XPO7: variants seen among roughly 807,000 people sequenced by gnomAD.
XPO7 encodes exportin-7.
XPO7 carries 21 observed loss-of-function variants against 144.3 expected under a neutral mutation model. The ratio of observed to expected loss-of-function variants is 0.15; its 90% CI spans 0.10 to 0.21. The LOEUF is 0.21. XPO7 is among the 10% of genes least tolerant of loss of function. The pLI is 1.00. For synonymous variants in XPO7, 580 were observed against 499.6 expected (o/e 1.16, Z -2.15); for missense variants, 808 against 1,325.8 (o/e 0.61, Z 6.06).
At chr8:21,991,009 C>T (rs76752860) in intron 18 of XPO7, 90 bp downstream of exon 18, 3 of 1,203,540 alleles carry the variant, frequency 2.5e-6, no homozygotes, top group Admixed American at 4.0e-5. Flanking sequence ...TTGGGGAGGC[C>T]TTTTCTGTTT....
rs752046576 is a variant in XPO7 at position 21,990,926 on chromosome 8, T to G, written c.2041+7T>G. The G allele has an allele frequency of 6.2e-7, 1 of 1,612,800 alleles. No individual in the cohort carries two copies. The highest frequency in any genetic ancestry group is 8.5e-7 in the Non-Finnish European group (1 of 1,178,974). On this transcript the variant is annotated splice_region_variant and intron_variant, in intron 18 of 27. Coordinates refer to ENST00000252512, the MANE Select transcript of XPO7 (RefSeq NM_015024.5). Reference sequence around the variant, plus strand: ...CTCCTCATGGTGGATTTAGGTACCGTAAGAAATCGTAGTGGCTCATGAAGT... The same window carrying G: ...CTCCTCATGGTGGATTTAGGTACCGGAAGAAATCGTAGTGGCTCATGAAGT...
chr8:21,948,054 T>G (rs1441620773), intron 1 of XPO7, among the ~76,000 whole-genome samples: 1 of 152,230 alleles, frequency 6.6e-6, no homozygotes, highest in South Asian at 2.1e-4. Flanking sequence ...AGAGTAAGTT[T>G]AGAATAGATT....
chr8:21,967,067 G>A (rs906218605), intron 2 of XPO7, 64 bp downstream of exon 2: 7 of 1,551,940 alleles, frequency 4.5e-6, no homozygotes, highest in South Asian at 1.2e-5. Flanking sequence ...CTGGTTCTCT[G>A]TGTAGGAATG....
intron 1 of XPO7, among the ~76,000 whole-genome samples, chr8:21,944,028 A>G (rs1811077812): frequency 6.6e-6 from 1 of 152,202 alleles, no homozygotes; most frequent in Non-Finnish European, 1.5e-5. Flanking sequence ...ATACCCTCAT[A>G]TACATGAGGT....
intron 21 of XPO7, among the ~76,000 whole-genome samples, chr8:21,995,804 C>G (rs538277404): frequency 6.6e-6 from 1 of 152,212 alleles, no homozygotes; most frequent in African/African-American, 2.4e-5. Context: ...AAATAAGTCA[C>G]TTTTTTTGGT....
intron 16 of XPO7, among the ~76,000 whole-genome samples, chr8:21,990,090 C>G (rs563014326): frequency 6.6e-6 from 1 of 151,896 alleles, no homozygotes; most frequent in East Asian, 1.9e-4. Context: ...ACCTCGTGAT[C>G]TGCCCTCCTC....
intron 24 of XPO7, among the ~76,000 whole-genome samples, chr8:22,001,800 A>G (rs1316158529): frequency 6.6e-6 from 1 of 152,246 alleles, no homozygotes; most frequent in Non-Finnish European, 1.5e-5. Context: ...AGTACTTAGC[A>G]CAACATCTGG....
At chr8:21,995,713 T>A in intron 21 of XPO7, 114 bp downstream of exon 21, 1 of 760,350 alleles carries the variant, frequency 1.3e-6, no homozygotes, top group Non-Finnish European at 2.0e-6. Flanking sequence ...TACTGCATTT[T>A]AAAATTCGAA....
intron 12 of XPO7, among the ~76,000 whole-genome samples, chr8:21,985,299 C>T (rs1040833998): frequency 6.6e-6 from 1 of 152,164 alleles, no homozygotes; most frequent in Non-Finnish European, 1.5e-5. Context: ...TTTTACCGGG[C>T]CTGGCTGGTG....
In XPO7 at chr8:21,941,604, A is replaced by C. The variant is rs990822874; in HGVS notation, c.18+21816A>C. Among the ~76,000 whole-genome samples the C allele has an allele frequency of 2.6e-5, 4 of 152,234 alleles. No individual in the cohort carries two copies. The South Asian group carries it at 8.3e-4, about 32-fold the overall frequency. Reference sequence around the variant, plus strand: ...CAGACAGACAAAATTTTGTTTTCCAAATATTTTCAATCCATGGTTGGTTGA... The same window carrying C: ...CAGACAGACAAAATTTTGTTTTCCACATATTTTCAATCCATGGTTGGTTGA... On this transcript the variant is annotated intron_variant, in intron 1 of 27. Coordinates refer to ENST00000252512, the MANE Select transcript of XPO7 (RefSeq NM_015024.5).
intron 9 of XPO7, among the ~76,000 whole-genome samples, chr8:21,981,511 G>A (rs1812410307): frequency 6.6e-6 from 1 of 152,144 alleles, no homozygotes; most frequent in South Asian, 2.1e-4. Flanking sequence ...GATTATTATT[G>A]TGAACATATG....
intron 1 of XPO7, among the ~76,000 whole-genome samples, chr8:21,942,138 G>C (rs181025128): frequency 1.3e-5 from 2 of 152,140 alleles, no homozygotes; most frequent in African/African-American, 4.8e-5. Context: ...AGTATTTCTT[G>C]GTAAATAAGA....
intron 14 of XPO7, 93 bp downstream of exon 14, chr8:21,987,369 T>G: frequency 6.5e-7 from 1 of 1,545,996 alleles, no homozygotes; most frequent in Non-Finnish European, 8.8e-7. Context: ...TCACATAACC[T>G]CCAGATTTCA....
At chr8:21,992,802 T>C (rs1812814185) in intron 19 of XPO7, among the ~76,000 whole-genome samples, 1 of 152,214 alleles carries the variant, frequency 6.6e-6, no homozygotes, top group South Asian at 2.1e-4. Context: ...TCTTTTTACT[T>C]CATACATACT....
Position 21,919,799 on chromosome 8 carries a change from C to A in XPO7, c.18+11C>A. On this transcript the variant is annotated intron_variant, in intron 1 of 27. Coordinates refer to ENST00000252512, the MANE Select transcript of XPO7 (RefSeq NM_015024.5). ...GCGGATCATGTGCAGGTGAGAGGAG[C>A]CGCGGGGGGGAGGGGGCGACCACGA... 1.9e-6 allele frequency: 1 copy of A among 533,014 alleles called. No homozygotes were observed. Among genetic ancestry groups the A allele is most frequent in the Non-Finnish European group, 2.8e-6 (1 of 360,880 alleles). 33.0% of individuals were successfully genotyped at this position (533,014 alleles called of 1,614,324 possible).
chr8:21,925,601 C>T (rs1452122066), intron 1 of XPO7, among the ~76,000 whole-genome samples: 1 of 152,022 alleles, frequency 6.6e-6, no homozygotes, highest in Admixed American at 6.6e-5. Flanking sequence ...AGGGGGATAC[C>T]AGTATTAACT....
At chr8:22,003,868 T>TTC (rs989000884) in intron 26 of XPO7, 35 bp from the exon 27 acceptor site, 45 of 1,613,006 alleles carry the variant, frequency 2.8e-5, no homozygotes, top group Non-Finnish European at 3.8e-5. Flanking sequence ...CTTCCCCTGC[T>TTC]TCTCTAACCT....
At position 22,002,242 on chromosome 8, in the gene XPO7, C is replaced by G; in HGVS notation, c.2913C>G (p.Ile971Met). ...LNQESDRFLH[I>M]MQQHPEMIQQ... is the part of the protein sequence containing the mutation. The stretch of plus-strand genomic sequence containing the variant: ...AGGAGAGCGACCGCTTTCTGCACAT[C>G]ATGCAGCAGCATCCAGAGATGATCC... Residue 971 changes from isoleucine to methionine, a missense_variant, in exon 25 of 28, where the codon ATC (isoleucine) becomes ATG (methionine). Ile to Met is a conservative substitution (Grantham distance 10, BLOSUM62 1). This residue lies in a region of XPO7 where 140 missense variants were observed against 237.9 expected (regional missense o/e 0.59). Coordinates refer to ENST00000252512, the MANE Select transcript of XPO7 (RefSeq NM_015024.5). The G allele has an allele frequency of 6.2e-7, 1 of 1,613,078 alleles. No homozygotes were observed.
At chr8:21,966,457 T>C in intron 1 of XPO7, 1 of 565,646 alleles carries the variant, frequency 1.8e-6, no homozygotes, top group Non-Finnish European at 3.2e-6. Flanking sequence ...ACTTATATCA[T>C]GTTTATGTGC....
Sources: allele counts gnomAD v4.1 joint callset (sites outside exome capture counted in the v4.1 genomes callset), GRCh38; gene constraint gnomAD v4.1.1; regional missense constraint gnomAD v4.1.1; transcripts MANE v1.5; gene names NCBI Gene and HGNC (gene_info 2026-07-23, HGNC 2026-07-21).